The following CNTNAP2 variants were observed in gnomAD, a reference collection of about 807,000 sequenced individuals.
The protein encoded by CNTNAP2 is contactin-associated protein-like 2.
Under a neutral mutation model 155.2 loss-of-function variants are expected in CNTNAP2, and 98 were observed. The ratio of observed to expected loss-of-function variants is 0.63; its 90% CI spans 0.54 to 0.75. CNTNAP2 has a LOEUF of 0.75. Ranked by LOEUF, CNTNAP2 falls within the 30% of genes least tolerant of loss-of-function variation. CNTNAP2 has a pLI of 0.00. For missense variants in CNTNAP2, 1,727 were observed against 1,688.1 expected (o/e 1.02, Z -0.40); for synonymous variants, 651 against 631.2 (o/e 1.03, Z -0.47).
In CNTNAP2 at chr7:148,281,835, C is replaced by CTTTTTTTTT. The variant is rs58086860; in HGVS notation, c.3475+14720_3475+14728dup. Among the ~76,000 whole-genome samples the CTTTTTTTTT allele has an allele frequency of 3.2e-5, 4 of 123,464 alleles. 1 individual carries two copies. Among genetic ancestry groups the CTTTTTTTTT allele is most frequent in the Admixed American group, 9.5e-5 (1 of 10,566 alleles). 81.0% of individuals were successfully genotyped at this position (123,464 alleles called of 152,430 possible). A position where few individuals can be genotyped will look rare whatever the true frequency, so the allele number is the denominator to read the frequency against. ...CATAGCTGGTACTTCACAACGTTTC[C>CTTTTTTTTT]TTTTTTTTTTTTTTTTTTTGAGACG... On this transcript the variant is annotated intron_variant, in intron 21 of 23. Coordinates refer to ENST00000361727, the MANE Select transcript of CNTNAP2 (RefSeq NM_014141.6).
chr7:148,256,066 G>A (rs560742258), intron 20 of CNTNAP2, among the ~76,000 whole-genome samples: 10 of 152,224 alleles, frequency 6.6e-5, no homozygotes, highest in Non-Finnish European at 7.4e-5. Context: ...GCTGAATGTC[G>A]GGAGCCAAGT....
intron 13 of CNTNAP2, among the ~76,000 whole-genome samples, chr7:147,706,624 G>A (rs1563059653): frequency 6.6e-6 from 1 of 152,142 alleles, no homozygotes; most frequent in East Asian, 1.9e-4. Flanking sequence ...TTTAGGAATT[G>A]TATTTGTATG....
intron 17 of CNTNAP2, among the ~76,000 whole-genome samples, chr7:148,154,923 T>C (rs1348616856): frequency 6.7e-6 from 1 of 149,636 alleles, no homozygotes; most frequent in Non-Finnish European, 1.5e-5. Flanking sequence ...GGTGACAGAG[T>C]GAGACCACAT....
rs562874024 is a variant in CNTNAP2 at position 147,695,855 on chromosome 7, TAGAAAAC to T, written c.2098+56553_2098+56559del. 4.8e-3 allele frequency among the ~76,000 whole-genome samples: 725 copies of T among 152,284 alleles called. 7 individuals are homozygous for T. The highest frequency in any genetic ancestry group is 0.017 in the African/African-American group (693 of 41,568). ...AAAAAGTATATTTACATTCTGTTGTTAGAAAACAGACATATATATTAAGAATTGTTAT... is the reference window on the plus strand; with the variant it reads ...AAAAAGTATATTTACATTCTGTTGTTAGACATATATATTAAGAATTGTTAT... On this transcript the variant is annotated intron_variant, in intron 13 of 23. Transcript: ENST00000361727.
At chr7:146,799,319 T>C (rs2129191074) in intron 2 of CNTNAP2, among the ~76,000 whole-genome samples, 1 of 152,296 alleles carries the variant, frequency 6.6e-6, no homozygotes, top group South Asian at 2.1e-4. Flanking sequence ...TCTTGATTGC[T>C]TACCTGTTGA....
At chr7:147,649,403 A>C (rs149719664) in intron 13 of CNTNAP2, among the ~76,000 whole-genome samples, 3,127 of 152,288 alleles carry the variant, frequency 0.021, 202 homozygotes, top group Admixed American at 0.14. Context: ...AAATGCAAAG[A>C]CTGCATGAGA....
intron 1 of CNTNAP2, among the ~76,000 whole-genome samples, chr7:146,157,065 A>G (rs1322783904): frequency 6.6e-6 from 1 of 152,210 alleles, no homozygotes; most frequent in African/African-American, 2.4e-5. Flanking sequence ...AAAATTTAAT[A>G]TATTTAATAG....
chr7:148,248,545 T>A (rs1796315003), intron 20 of CNTNAP2, among the ~76,000 whole-genome samples: 1 of 152,218 alleles, frequency 6.6e-6, no homozygotes, highest in South Asian at 2.1e-4. Context: ...TCATTCTGCA[T>A]AATGATTCTG....
chr7:147,270,234 C>A (rs897882526), intron 8 of CNTNAP2, among the ~76,000 whole-genome samples: 2 of 152,082 alleles, frequency 1.3e-5, no homozygotes, highest in African/African-American at 4.8e-5. Flanking sequence ...GCCACAGGTG[C>A]CTATGAACCC....
In CNTNAP2 at chr7:148,195,515, G is replaced by A. The variant is rs1049985176; in HGVS notation, c.3011-21773G>A. 3.3e-5 allele frequency among the ~76,000 whole-genome samples: 5 copies of A among 152,272 alleles called. No individual in the cohort carries two copies. The East Asian group carries it at 5.8e-4, about 18-fold the overall frequency. On this transcript the variant is annotated intron_variant, in intron 18 of 23. Transcript: ENST00000361727. ...CTGTAGTATTAAATTCACAACCTAA[G>A]CTATAGCTAGCTTTCCAAACTAGAC...
intron 1 of CNTNAP2, among the ~76,000 whole-genome samples, chr7:146,376,664 T>C (rs1253245752): frequency 6.6e-6 from 1 of 152,168 alleles, no homozygotes; most frequent in Non-Finnish European, 1.5e-5. Flanking sequence ...CCATGACTTA[T>C]CTGAACACAT....
intron 3 of CNTNAP2, among the ~76,000 whole-genome samples, chr7:147,028,801 A>G (rs994870069): frequency 6.6e-6 from 1 of 152,198 alleles, no homozygotes; most frequent in Non-Finnish European, 1.5e-5. Flanking sequence ...TTCCTGTTGA[A>G]CTTACATTTG....
chr7:147,066,621 G>T (rs1799783683), intron 4 of CNTNAP2, among the ~76,000 whole-genome samples: 1 of 152,094 alleles, frequency 6.6e-6, no homozygotes, highest in Non-Finnish European at 1.5e-5. Flanking sequence ...AGACTCTAAC[G>T]AGTTTTTCTT....
chr7:147,966,692 A>G (rs1408861322), intron 14 of CNTNAP2, among the ~76,000 whole-genome samples: 1 of 152,032 alleles, frequency 6.6e-6, no homozygotes, highest in Non-Finnish European at 1.5e-5. Context: ...CAGAGTTGAG[A>G]TGTCAGCATA....
intron 5 of CNTNAP2, among the ~76,000 whole-genome samples, chr7:147,109,372 T>C (rs1047848786): frequency 6.6e-6 from 1 of 152,186 alleles, no homozygotes; most frequent in Non-Finnish European, 1.5e-5. Flanking sequence ...GAGCACCAAA[T>C]GGACATTAGT....
At chr7:148,393,358 C>A (rs1272520119) in intron 22 of CNTNAP2, among the ~76,000 whole-genome samples, 1 of 152,206 alleles carries the variant, frequency 6.6e-6, no homozygotes, top group African/African-American at 2.4e-5. Context: ...ACACAGTTCA[C>A]ACTTAATCGT....
chr7:148,055,604 T>G (rs904426936), intron 15 of CNTNAP2, among the ~76,000 whole-genome samples: 3 of 152,196 alleles, frequency 2.0e-5, no homozygotes, highest in African/African-American at 7.2e-5. Context: ...GAGATCTAAA[T>G]ATATATTAGC....
chr7:148,311,541 T>A (rs1026839258), intron 21 of CNTNAP2, among the ~76,000 whole-genome samples: 3 of 152,116 alleles, frequency 2.0e-5, no homozygotes, highest in Non-Finnish European at 4.4e-5. Context: ...AGATCATCTA[T>A]CCACTCTAAG....
chr7:147,192,234 C>G (rs1019513332), intron 8 of CNTNAP2, among the ~76,000 whole-genome samples: 1 of 152,172 alleles, frequency 6.6e-6, no homozygotes, highest in African/African-American at 2.4e-5. Flanking sequence ...AAACATTTTA[C>G]TCTTCACCTT....
Sources: gnomAD v4.1 joint callset for allele counts (sites outside exome capture counted in the v4.1 genomes callset) on GRCh38, gnomAD v4.1.1 for gene constraint, MANE v1.5 for transcripts, NCBI Gene and HGNC (gene_info 2026-07-23, HGNC 2026-07-21) for gene names.